Variants in CADM2 observed in about 807,000 individuals in gnomAD.
CADM2 encodes cell adhesion molecule 2, also known as immunoglobulin superfamily member 4D.
CADM2 carries 12 observed loss-of-function variants against 49.8 expected under a neutral mutation model. The ratio of observed to expected loss-of-function variants is 0.24; its 90% CI spans 0.15 to 0.39. The LOEUF (loss-of-function observed/expected upper bound fraction) is 0.39. CADM2 is among the 10% of genes least tolerant of loss of function. The pLI, the probability that CADM2 is intolerant of heterozygous loss-of-function variation, is 1.00. For synonymous variants in CADM2, 214 were observed against 175.4 expected, an observed-to-expected ratio of 1.22 and a Z score of -1.74; for missense variants, 378 against 492.3, an observed-to-expected ratio of 0.77 and a Z score of 2.20.
Position 84,959,042 on chromosome 3 carries a change from G to A in CADM2, c.-566G>A. 1 of 195,098 alleles carries A rather than the reference G, an allele frequency of 5.1e-6. No homozygotes were observed. Among genetic ancestry groups the A allele is most frequent in the Non-Finnish European group, 1.0e-5 (1 of 97,446 alleles). 12.1% of individuals were successfully genotyped at this position (195,098 alleles called of 1,614,324 possible). ...TGCCGCCACAGCCGCCGCTGCAGCC[G>A]GAGCATCCGGGAGCCGCCACTGCCG... On this transcript the variant is annotated 5_prime_UTR_variant, in exon 1 of 10. Coordinates refer to ENST00000383699, the MANE Select transcript of CADM2 (RefSeq NM_001167675.2).
chr3:85,663,448 T>C (rs1270791004), intron 1 of CADM2, among the ~76,000 whole-genome samples: 2 of 152,048 alleles, frequency 1.3e-5, no homozygotes, highest in Admixed American at 1.3e-4. Flanking sequence ...CATCTGGTGA[T>C]TCTGCTTCCT....
At chr3:85,888,706 T>C (rs998502566) in intron 5 of CADM2, among the ~76,000 whole-genome samples, 18 of 152,144 alleles carry the variant, frequency 1.2e-4, no homozygotes, top group African/African-American at 3.9e-4. Flanking sequence ...GTGGCATATA[T>C]TTTATTTTTG....
chr3:85,667,079 T>G (rs2065591974), intron 1 of CADM2, among the ~76,000 whole-genome samples: 1 of 152,020 alleles, frequency 6.6e-6, no homozygotes, highest in Admixed American at 6.6e-5. Context: ...AGTCTCCATC[T>G]TAGATTTCCT....
At chr3:86,044,365 G>T (rs1350659278) in intron 8 of CADM2, among the ~76,000 whole-genome samples, 1 of 151,854 alleles carries the variant, frequency 6.6e-6, no homozygotes, top group Non-Finnish European at 1.5e-5. Context: ...AAATTTACAA[G>T]AAAAAACAAA....
chr3:85,950,104 A>G (rs1393251187), intron 7 of CADM2, among the ~76,000 whole-genome samples: 1 of 151,238 alleles, frequency 6.6e-6, no homozygotes, highest in Non-Finnish European at 1.5e-5. Flanking sequence ...ATAATTTTCA[A>G]ATAAGTTGAA....
At chr3:85,669,054 C>A (rs1218329250) in intron 1 of CADM2, among the ~76,000 whole-genome samples, 5 of 152,046 alleles carry the variant, frequency 3.3e-5, no homozygotes, top group Admixed American at 1.3e-4. Context: ...TATTCTCTGT[C>A]TTGTTCATTA....
intron 1 of CADM2, among the ~76,000 whole-genome samples, chr3:85,553,975 A>G (rs1000886677): frequency 3.3e-5 from 5 of 152,186 alleles, no homozygotes; most frequent in African/African-American, 4.8e-5. Flanking sequence ...TAAAAATCCA[A>G]TTGTGGTAAA....
chr3:86,039,371 G>C (rs1278087918), intron 8 of CADM2, among the ~76,000 whole-genome samples: 1 of 152,066 alleles, frequency 6.6e-6, no homozygotes, highest in African/African-American at 2.4e-5. Flanking sequence ...TGGAAAATAG[G>C]GTCACTCTCA....
intron 1 of CADM2, among the ~76,000 whole-genome samples, chr3:85,529,231 C>A (rs531829919): frequency 6.6e-6 from 1 of 152,300 alleles, no homozygotes; most frequent in Admixed American, 6.5e-5. Context: ...CTATACCTAG[C>A]TGACTAGAAA....
intron 2 of CADM2, among the ~76,000 whole-genome samples, chr3:85,782,311 T>C (rs1180532989): frequency 1.3e-5 from 2 of 152,182 alleles, no homozygotes; most frequent in Non-Finnish European, 2.9e-5. Context: ...TTTAACTCTT[T>C]TGTAAACAGG....
intron 1 of CADM2, among the ~76,000 whole-genome samples, chr3:85,705,581 G>A (rs1353157601): frequency 6.6e-6 from 1 of 152,144 alleles, no homozygotes; most frequent in Non-Finnish European, 1.5e-5. Context: ...TTTCCATCAT[G>A]ATTCCTCAAT....
chr3:85,566,395 GTGCT>G (rs1335798858), intron 1 of CADM2, among the ~76,000 whole-genome samples: 1 of 151,832 alleles, frequency 6.6e-6, no homozygotes, highest in Non-Finnish European at 1.5e-5. Context: ...TTTTTAAGAA[GTGCT>G]TTGATACTCA....
intron 5 of CADM2, among the ~76,000 whole-genome samples, chr3:85,909,549 T>C (rs1033895929): frequency 6.6e-6 from 1 of 152,096 alleles, no homozygotes; most frequent in Non-Finnish European, 1.5e-5. Context: ...TGTCAAATGT[T>C]TGCACTGTAC....
At position 85,359,666 on chromosome 3, in the gene CADM2, A is replaced by ATATATATATATATATATATATATAT; in HGVS notation, c.62-366855_62-366854insATATATATATATATATATATATATT. The stretch of plus-strand genomic sequence containing the variant: ...TATATATATATATATATATATATAT[A>ATATATATATATATATATATATATAT]TTTTTTTTTTTGGTGGAGGGGAGAA... On this transcript the variant is annotated intron_variant, in intron 1 of 9. Transcript: ENST00000383699. 7.9e-4 allele frequency among the ~76,000 whole-genome samples: 21 copies of ATATATATATATATATATATATATAT among 26,556 alleles called. 1 individual carries two copies. The highest frequency in any genetic ancestry group is 1.4e-3 in the African/African-American group (13 of 9,388). The allele number at this position is 26,556 out of a possible 152,430, so 17.4% of individuals were successfully genotyped here. A position where few individuals can be genotyped will look rare whatever the true frequency, so the allele number is the denominator to read the frequency against.
intron 2 of CADM2, among the ~76,000 whole-genome samples, chr3:85,742,704 A>G (rs1285422166): frequency 6.6e-6 from 1 of 152,192 alleles, no homozygotes; most frequent in Non-Finnish European, 1.5e-5. Context: ...TATCTTTTCC[A>G]CATTAAAATA....
chr3:85,319,466 T>C (rs1413117151), intron 1 of CADM2, among the ~76,000 whole-genome samples: 6 of 152,196 alleles, frequency 3.9e-5, no homozygotes, highest in Admixed American at 3.9e-4. Context: ...GGAATATAAA[T>C]CTTTCTACCA....
intron 1 of CADM2, among the ~76,000 whole-genome samples, chr3:85,499,058 C>T (rs2040014482): frequency 6.6e-6 from 1 of 152,056 alleles, no homozygotes; most frequent in African/African-American, 2.4e-5. Flanking sequence ...ATAGCAATAG[C>T]TTTGATATAT....
At chr3:85,873,170 T>A (rs904911928) in intron 3 of CADM2, among the ~76,000 whole-genome samples, 7 of 152,292 alleles carry the variant, frequency 4.6e-5, no homozygotes, top group African/African-American at 1.4e-4. Flanking sequence ...AGGGCCAACC[T>A]CTTAATACTG....
chr3:86,021,645 G>T (rs1733194473), intron 8 of CADM2, among the ~76,000 whole-genome samples: 1 of 152,088 alleles, frequency 6.6e-6, no homozygotes. Flanking sequence ...TTTCTGTTAA[G>T]TTTATTGTCC....
Sources: allele counts gnomAD v4.1 joint callset (sites outside exome capture counted in the v4.1 genomes callset), GRCh38; gene constraint gnomAD v4.1.1; transcripts MANE v1.5; gene names NCBI Gene and HGNC (gene_info 2026-07-23, HGNC 2026-07-21).